Variants in HTR2C observed in about 807,000 individuals in gnomAD.
The protein encoded by HTR2C is 5-hydroxytryptamine receptor 2C.
In HTR2C, 5 loss-of-function variants were observed where a neutral mutation model predicts 21.0. The observed-to-expected ratio is 0.24, with a 90% CI of 0.12 to 0.50. The LOEUF is 0.50. HTR2C is among the 20% of genes least tolerant of loss of function. HTR2C has a pLI of 0.98. For missense variants in HTR2C, 271 were observed against 371.2 expected (o/e 0.73, Z 2.22); for synonymous variants, 150 against 145.3 (o/e 1.03, Z -0.23).
chrX:114,826,693 G>T (rs1331800831), intron 4 of HTR2C, among the ~76,000 whole-genome samples: 1 of 111,225 alleles, frequency 9.0e-6, no homozygotes, highest in Non-Finnish European at 1.9e-5. Flanking sequence ...ATTTAAATTT[G>T]TAGAGTTTCT....
intron 2 of HTR2C, among the ~76,000 whole-genome samples, chrX:114,680,878 T>TA (rs1477715706): frequency 9.2e-6 from 1 of 108,696 alleles, no homozygotes; most frequent in Non-Finnish European, 1.9e-5. Context: ...TAATTTTTTT[T>TA]AAATTATATG....
intron 4 of HTR2C, among the ~76,000 whole-genome samples, chrX:114,839,119 G>T (rs1462639377): frequency 8.9e-6 from 1 of 112,086 alleles, no homozygotes; most frequent in Non-Finnish European, 1.9e-5. Context: ...TGCACTGGTT[G>T]AATTCTAATA....
intron 5 of HTR2C, among the ~76,000 whole-genome samples, chrX:114,902,127 T>C (rs1374728395): frequency 8.9e-6 from 1 of 112,178 alleles, no homozygotes; most frequent in African/African-American, 3.2e-5. Flanking sequence ...AAATAACATG[T>C]GCCTTGCGGA....
intron 4 of HTR2C, among the ~76,000 whole-genome samples, chrX:114,746,914 G>A (rs1556426312): frequency 2.7e-5 from 3 of 111,715 alleles, no homozygotes; most frequent in African/African-American, 9.8e-5. Flanking sequence ...GAACCCGGGA[G>A]GGGGAGCTTG....
intron 4 of HTR2C, among the ~76,000 whole-genome samples, chrX:114,754,887 A>G (rs1157992370): frequency 8.9e-6 from 1 of 112,226 alleles, no homozygotes; most frequent in Non-Finnish European, 1.9e-5. Flanking sequence ...CCAACAAAAG[A>G]AGAATGTATT....
intron 2 of HTR2C, among the ~76,000 whole-genome samples, chrX:114,640,843 G>A (rs1218149618): frequency 9.1e-6 from 1 of 109,653 alleles, no homozygotes; most frequent in Non-Finnish European, 1.9e-5. Context: ...ATTTTATTGC[G>A]CTGTTTCTCC....
At chrX:114,671,435 G>T (rs1311293589) in intron 2 of HTR2C, among the ~76,000 whole-genome samples, 2 of 111,898 alleles carry the variant, frequency 1.8e-5, no homozygotes, top group African/African-American at 3.2e-5. Flanking sequence ...TGAGCATTTT[G>T]CTATGTTACT....
intron 2 of HTR2C, among the ~76,000 whole-genome samples, chrX:114,673,758 T>C (rs1556412146): frequency 9.0e-6 from 1 of 111,331 alleles, no homozygotes; most frequent in Non-Finnish European, 1.9e-5. Flanking sequence ...TTTTTTTCAT[T>C]TTTCAAACTT....
At chrX:114,641,765 G>A (rs1556406525) in intron 2 of HTR2C, among the ~76,000 whole-genome samples, 1 of 111,427 alleles carries the variant, frequency 9.0e-6, no homozygotes, top group African/African-American at 3.3e-5. Flanking sequence ...CAGGGTACAC[G>A]TGCAGGATGT....
chrX:114,613,238 C>T (rs1326967447), intron 1 of HTR2C, among the ~76,000 whole-genome samples: 2 of 111,666 alleles, frequency 1.8e-5, no homozygotes, highest in African/African-American at 3.3e-5. Context: ...TGCGCCCTGC[C>T]CTGGTTGCCC....
chrX:114,635,006 T>C (rs1469816306), intron 2 of HTR2C, among the ~76,000 whole-genome samples: 2 of 111,974 alleles, frequency 1.8e-5, no homozygotes, highest in Admixed American at 9.6e-5. Context: ...AGGGTGACTA[T>C]ATATTCTACT....
chrX:114,694,434 AATATATATATAT>A (rs782501990), intron 2 of HTR2C, among the ~76,000 whole-genome samples: 38 of 91,930 alleles, frequency 4.1e-4, no homozygotes, highest in African/African-American at 9.3e-4. Flanking sequence ...TCCTCAACTA[AATATATATATAT>A]ATATATATAT....
chrX:114,855,525 A>C (rs1252481221), intron 5 of HTR2C, among the ~76,000 whole-genome samples: 1 of 110,524 alleles, frequency 9.0e-6, no homozygotes, highest in Admixed American at 9.7e-5. Context: ...ATTCACTTGA[A>C]ACCTCAGATT....
intron 2 of HTR2C, among the ~76,000 whole-genome samples, chrX:114,690,875 G>A (rs1932087079): frequency 9.0e-6 from 1 of 111,462 alleles, no homozygotes; most frequent in Non-Finnish European, 1.9e-5. Context: ...ACCCTAGGTT[G>A]ATTCCTTTTT....
intron 2 of HTR2C, among the ~76,000 whole-genome samples, chrX:114,723,095 A>G (rs1933292258): frequency 1.8e-5 from 2 of 111,286 alleles, no homozygotes; most frequent in Admixed American, 1.9e-4. Context: ...GAATGGTACC[A>G]GTTCCTCCTT....
At chrX:114,741,148 G>A (rs1174177802) in intron 4 of HTR2C, among the ~76,000 whole-genome samples, 1 of 110,620 alleles carries the variant, frequency 9.0e-6, no homozygotes, top group African/African-American at 3.3e-5. Context: ...TGTCACATGC[G>A]TAGCAATGAG....
chrX:114,642,892 G>A (rs191885316), intron 2 of HTR2C, among the ~76,000 whole-genome samples: 16 of 111,360 alleles, frequency 1.4e-4, no homozygotes, highest in Admixed American at 1.9e-4. Flanking sequence ...TTGTTTTCTT[G>A]TTAACAATAA....
At chrX:114,744,750 C>T (rs931184449) in intron 4 of HTR2C, among the ~76,000 whole-genome samples, 42 of 111,435 alleles carry the variant, frequency 3.8e-4, no homozygotes, top group African/African-American at 1.3e-3. Context: ...CCGCACTCAG[C>T]CCCCCAAAGC....
At chrX:114,647,031 A>T (rs1380590120) in intron 2 of HTR2C, among the ~76,000 whole-genome samples, 2 of 111,056 alleles carry the variant, frequency 1.8e-5, no homozygotes, top group African/African-American at 6.5e-5. Context: ...AACAAGTCAA[A>T]CTCATAGAAA....
Sources: allele counts gnomAD v4.1 joint callset (sites outside exome capture counted in the v4.1 genomes callset), GRCh38; gene constraint gnomAD v4.1.1; transcripts MANE v1.5; gene names NCBI Gene and HGNC (gene_info 2026-07-23, HGNC 2026-07-21).